The following NEK10 variants were observed in gnomAD, a reference collection of about 807,000 sequenced individuals.
The protein encoded by NEK10 is serine/threonine-protein kinase Nek10.
In NEK10, 122 loss-of-function variants were observed where a neutral mutation model predicts 159.8. The observed-to-expected ratio is 0.76, with a 90% CI of 0.66 to 0.89. The LOEUF is 0.89. NEK10 is among the 40% of genes least tolerant of loss of function. The probability of loss-of-function intolerance (pLI) is 0.00; values close to 1 mark genes in which losing one functional copy is unlikely to be tolerated. For synonymous variants in NEK10, 466 were observed against 457.1 expected (o/e 1.02, Z -0.25); for missense variants, 1,342 against 1,323.1 (o/e 1.01, Z -0.22).
intron 25 of NEK10, among the ~76,000 whole-genome samples, chr3:27,199,678 A>G (rs913924726): frequency 4.6e-5 from 7 of 152,228 alleles, no homozygotes; most frequent in African/African-American, 1.7e-4. Context: ...TTGCAGCACT[A>G]TTCACAATAG....
chr3:27,352,117 T>A (rs2048013288), intron 3 of NEK10, among the ~76,000 whole-genome samples: 1 of 152,124 alleles, frequency 6.6e-6, no homozygotes, highest in Non-Finnish European at 1.5e-5. Context: ...TGGTAGAAAG[T>A]GCTTTGAAAA....
intron 3 of NEK10, among the ~76,000 whole-genome samples, chr3:27,349,038 G>A (rs1454124685): frequency 1.3e-5 from 2 of 152,032 alleles, no homozygotes; most frequent in Non-Finnish European, 2.9e-5. Flanking sequence ...AACAGTCATG[G>A]TCTCTTGTCT....
At chr3:27,303,762 C>T (rs1048952125) in intron 12 of NEK10, among the ~76,000 whole-genome samples, 1 of 152,134 alleles carries the variant, frequency 6.6e-6, no homozygotes, top group Non-Finnish European at 1.5e-5. Flanking sequence ...TCTGCAATAT[C>T]GCTGGAAGCA....
chr3:27,263,848 C>T (rs2040643063), intron 22 of NEK10, among the ~76,000 whole-genome samples: 1 of 152,186 alleles, frequency 6.6e-6, no homozygotes, highest in South Asian at 2.1e-4. Context: ...CGACACTCCT[C>T]AGTGAGATGA....
chr3:27,263,636 C>T (rs1172179637), intron 22 of NEK10, among the ~76,000 whole-genome samples: 1 of 152,208 alleles, frequency 6.6e-6, no homozygotes, highest in Non-Finnish European at 1.5e-5. Flanking sequence ...ATATAATCTC[C>T]TGGTGTGGCG....
At chr3:27,308,329 C>T (rs118114671) in intron 10 of NEK10, among the ~76,000 whole-genome samples, 4,617 of 152,184 alleles carry the variant, frequency 0.03, 97 homozygotes, top group African/African-American at 0.059. Flanking sequence ...ATGGGGATTA[C>T]AGGGATTACA....
intron 23 of NEK10, among the ~76,000 whole-genome samples, chr3:27,213,630 C>A (rs1164701932): frequency 6.6e-6 from 1 of 152,136 alleles, no homozygotes; most frequent in Non-Finnish European, 1.5e-5. Context: ...GGTAAGGGTG[C>A]TCAAACATGC....
At chr3:27,177,968 A>T (rs189662882) in intron 26 of NEK10, among the ~76,000 whole-genome samples, 1 of 152,254 alleles carries the variant, frequency 6.6e-6, no homozygotes, top group Non-Finnish European at 1.5e-5. Flanking sequence ...GGAGTAGGAG[A>T]GGGAGTTAAC....
At chr3:27,307,230 A>G (rs976263200) in intron 11 of NEK10, among the ~76,000 whole-genome samples, 2 of 152,230 alleles carry the variant, frequency 1.3e-5, no homozygotes, top group African/African-American at 4.8e-5. Context: ...AGGATTTACT[A>G]TGAGTTAAGT....
At chr3:27,312,391 G>T (rs2044770090) in intron 7 of NEK10, among the ~76,000 whole-genome samples, 1 of 151,998 alleles carries the variant, frequency 6.6e-6, no homozygotes, top group Non-Finnish European at 1.5e-5. Context: ...TGAAGTTGAG[G>T]GAAAGACCAT....
At chr3:27,139,180 C>G (rs967859421) in intron 31 of NEK10, among the ~76,000 whole-genome samples, 2 of 152,128 alleles carry the variant, frequency 1.3e-5, no homozygotes, top group African/African-American at 4.8e-5. Flanking sequence ...AAAAAGAATT[C>G]TAAAACTTGG....
chr3:27,287,149 A>G (rs2042678517), intron 20 of NEK10, among the ~76,000 whole-genome samples: 1 of 151,852 alleles, frequency 6.6e-6, no homozygotes, highest in Non-Finnish European at 1.5e-5. Flanking sequence ...AAAAAAAAAA[A>G]AAAAAAGAGT....
chr3:27,314,224 T>A, intron 7 of NEK10, 73 bp downstream of exon 7: 2 of 1,062,700 alleles, frequency 1.9e-6, no homozygotes, highest in Non-Finnish European at 2.9e-6. Context: ...TTCTGTCACA[T>A]ACCCTTTTAA....
chr3:27,304,962 C>T lies in NEK10; in HGVS notation c.813G>A (p.Ala271=), dbSNP rs376340921. The T allele has an allele frequency of 1.7e-4, 269 of 1,609,426 alleles. 2 individuals are homozygous for T. The East Asian group carries it at 5.3e-3, about 31-fold the overall frequency. The change falls in exon 12 of 36, where the codon GCG becomes GCA. Residue 271 remains alanine (A), a synonymous_variant. Transcript: ENST00000691995. The stretch of plus-strand genomic sequence containing the variant: ...CTGCACAAAGTAGGCGCAGCAACTC[C>T]GCTGTTAGTCTGAAAGGGGTACAGA... The part of the protein sequence containing the change: ...EYDLLSKRLT[A]ELLRLLCAEP...
intron 23 of NEK10, 85 bp downstream of exon 23, chr3:27,256,211 T>C: frequency 1.7e-6 from 1 of 590,466 alleles, no homozygotes; most frequent in Non-Finnish European, 2.7e-6. Context: ...CCTGAAATTC[T>C]CTTTCCTTTG....
At chr3:27,340,591 C>G (rs1054731322) in intron 5 of NEK10, among the ~76,000 whole-genome samples, 3 of 152,036 alleles carry the variant, frequency 2.0e-5, no homozygotes, top group African/African-American at 7.3e-5. Context: ...AAATAGCCAA[C>G]AAGTATATGA....
At chr3:27,140,842 C>T (rs186212931) in intron 31 of NEK10, among the ~76,000 whole-genome samples, 51 of 152,280 alleles carry the variant, frequency 3.3e-4, no homozygotes, top group Admixed American at 3.3e-4. Flanking sequence ...ATAAGATACA[C>T]AATTTTAGAC....
chr3:27,207,667 T>C (rs556894739), intron 23 of NEK10, among the ~76,000 whole-genome samples: 28 of 152,188 alleles, frequency 1.8e-4, no homozygotes, highest in Non-Finnish European at 2.5e-4. Flanking sequence ...CCCACTGCAA[T>C]GTGTTAATTC....
intron 22 of NEK10, among the ~76,000 whole-genome samples, chr3:27,275,361 G>A (rs1177545842): frequency 6.6e-6 from 1 of 152,122 alleles, no homozygotes; most frequent in African/African-American, 2.4e-5. Flanking sequence ...GAGACCCAAT[G>A]GCAATACAAG....
Sources: gnomAD v4.1 joint callset for allele counts (sites outside exome capture counted in the v4.1 genomes callset) on GRCh38, gnomAD v4.1.1 for gene constraint, MANE v1.5 for transcripts, NCBI Gene and HGNC (gene_info 2026-07-23, HGNC 2026-07-21) for gene names.